The following CDK14 variants were observed in gnomAD, a reference collection of about 807,000 sequenced individuals.
CDK14 encodes cyclin-dependent kinase 14.
Under a neutral mutation model 60.7 loss-of-function variants are expected in CDK14, and 34 were observed. The ratio of observed to expected loss-of-function variants is 0.56; its 90% CI spans 0.43 to 0.75. The LOEUF (loss-of-function observed/expected upper bound fraction) is 0.75. CDK14 is among the 30% of genes least tolerant of loss of function. CDK14 has a pLI of 0.00. For missense variants in CDK14, 482 were observed against 564.1 expected, an observed-to-expected ratio of 0.85 and a Z score of 1.47; for synonymous variants, 197 against 203.7, an observed-to-expected ratio of 0.97 and a Z score of 0.28.
chr7:90,654,659 T>C (rs1394686851), intron 2 of CDK14, among the ~76,000 whole-genome samples: 7 of 152,142 alleles, frequency 4.6e-5, no homozygotes, highest in African/African-American at 1.7e-4. Flanking sequence ...AAAAAATTAA[T>C]AGGCTTTTTT....
chr7:90,757,211 T>A (rs998777425), intron 4 of CDK14, among the ~76,000 whole-genome samples: 1 of 39,186 alleles, frequency 2.6e-5, no homozygotes, highest in Admixed American at 2.4e-4. Flanking sequence ...ATTCTTCCAG[T>A]GTGTGTGTGT....
intron 6 of CDK14, among the ~76,000 whole-genome samples, chr7:90,886,112 A>G (rs1417051839): frequency 1.3e-5 from 2 of 152,198 alleles, no homozygotes; most frequent in African/African-American, 4.8e-5. Context: ...AACAGATTTT[A>G]TTAAGCTTTT....
intron 7 of CDK14, among the ~76,000 whole-genome samples, chr7:90,901,107 C>T (rs887151098): frequency 3.9e-5 from 6 of 152,142 alleles, no homozygotes; most frequent in Non-Finnish European, 8.8e-5. Flanking sequence ...AACTGTCTCA[C>T]CAGCTCTTAT....
intron 2 of CDK14, among the ~76,000 whole-genome samples, chr7:90,669,665 A>T (rs1290323403): frequency 1.3e-5 from 2 of 152,204 alleles, no homozygotes; most frequent in African/African-American, 4.8e-5. Flanking sequence ...TGAAGCTTAG[A>T]CTATTTCTGG....
At chr7:90,770,930 C>T (rs970853274) in intron 4 of CDK14, among the ~76,000 whole-genome samples, 10 of 152,184 alleles carry the variant, frequency 6.6e-5, no homozygotes, top group South Asian at 2.1e-4. Flanking sequence ...TCCTTGACAG[C>T]GCTGCACAGA....
chr7:91,052,552 T>G (rs1797422139), intron 11 of CDK14, among the ~76,000 whole-genome samples: 1 of 152,154 alleles, frequency 6.6e-6, no homozygotes, highest in Non-Finnish European at 1.5e-5. Context: ...ATTCCATGTA[T>G]GATACTTTCA....
intron 14 of CDK14, among the ~76,000 whole-genome samples, chr7:91,185,068 A>G (rs996919118): frequency 4.7e-5 from 7 of 149,832 alleles, no homozygotes; most frequent in African/African-American, 1.7e-4. Context: ...TTCTGGCAAC[A>G]AGTGTTTGTT....
At chr7:90,759,844 A>G (rs1804245944) in intron 4 of CDK14, among the ~76,000 whole-genome samples, 1 of 152,198 alleles carries the variant, frequency 6.6e-6, no homozygotes, top group Admixed American at 6.5e-5. Flanking sequence ...AAGTTGTCCC[A>G]CAGATGATCC....
intron 12 of CDK14, among the ~76,000 whole-genome samples, chr7:91,099,067 T>A (rs916822153): frequency 6.6e-6 from 1 of 152,178 alleles, no homozygotes; most frequent in African/African-American, 2.4e-5. Flanking sequence ...CTATTTTTAG[T>A]GCTACTTATA....
At chr7:90,665,784 C>T (rs1800965966) in intron 2 of CDK14, among the ~76,000 whole-genome samples, 1 of 152,110 alleles carries the variant, frequency 6.6e-6, no homozygotes. Flanking sequence ...TAGTAGTATT[C>T]CATAAGTGAA....
intron 14 of CDK14, among the ~76,000 whole-genome samples, chr7:91,147,163 C>CTCTG (rs1800676561): frequency 2.8e-5 from 2 of 70,558 alleles, no homozygotes; most frequent in Non-Finnish European, 5.3e-5. Context: ...CTCTCTCTCT[C>CTCTG]ACACACACAC....
At chr7:90,847,345 TAGA>T (rs1340873388) in intron 5 of CDK14, among the ~76,000 whole-genome samples, 4 of 152,174 alleles carry the variant, frequency 2.6e-5, no homozygotes, top group African/African-American at 9.7e-5. Flanking sequence ...GTACCTGCCT[TAGA>T]AGAGAGTAGA....
At chr7:91,118,315 CTT>C (rs1227738121) in intron 14 of CDK14, 107 bp downstream of exon 14, 3 of 580,836 alleles carry the variant, frequency 5.2e-6, no homozygotes, top group Non-Finnish European at 9.2e-6. Flanking sequence ...CTATGAGTCT[CTT>C]GTGTGCATTA....
At position 90,747,692 on chromosome 7, in the gene CDK14, C is replaced by A; in HGVS notation, c.381C>A (p.Pro127=). ...RHSSPSSPTS[P]KFGKADSYEK... ...TGCTTCATTTTTAGCCAACAAGTCC[C>A]AAATTTGGAAAAGCTGACTCATATG... Residue 127 remains proline (P), a synonymous_variant, in exon 4 of 15, where the codon CCC becomes CCA. Transcript: ENST00000380050. 1.3e-6 allele frequency: 2 copies of A among 1,594,950 alleles called. No homozygotes were observed. Among genetic ancestry groups the A allele is most frequent in the Non-Finnish European group, 1.7e-6 (2 of 1,172,328 alleles).
At chr7:91,062,643 C>G (rs1206231557) in intron 11 of CDK14, among the ~76,000 whole-genome samples, 1 of 152,118 alleles carries the variant, frequency 6.6e-6, no homozygotes, top group Non-Finnish European at 1.5e-5. Context: ...TAGCTCTTTC[C>G]TGTGTATCAA....
chr7:91,148,063 A>T (rs1268433294), intron 14 of CDK14, among the ~76,000 whole-genome samples: 1 of 152,166 alleles, frequency 6.6e-6, no homozygotes, highest in East Asian at 1.9e-4. Context: ...ATAGTCTGAA[A>T]TAAAAATGGA....
chr7:91,021,883 A>G (rs1796442039), intron 10 of CDK14, among the ~76,000 whole-genome samples: 1 of 152,224 alleles, frequency 6.6e-6, no homozygotes, highest in Non-Finnish European at 1.5e-5. Context: ...CAGTTTGAAT[A>G]TAGGTGCCAG....
intron 7 of CDK14, among the ~76,000 whole-genome samples, chr7:90,904,772 G>A (rs549503664): frequency 6.6e-6 from 1 of 152,134 alleles, no homozygotes; most frequent in Non-Finnish European, 1.5e-5. Context: ...GTTCATTATT[G>A]CAAAATTTCA....
chr7:91,145,954 A>ATTTTTTTT (rs869115595), intron 14 of CDK14, among the ~76,000 whole-genome samples: 3 of 127,724 alleles, frequency 2.3e-5, no homozygotes, highest in African/African-American at 8.3e-5. Context: ...TTATTTATTT[A>ATTTTTTTT]TTTTTTATGT....
Sources: gnomAD v4.1 joint callset for allele counts (sites outside exome capture counted in the v4.1 genomes callset) on GRCh38, gnomAD v4.1.1 for gene constraint, MANE v1.5 for transcripts, NCBI Gene and HGNC (gene_info 2026-07-23, HGNC 2026-07-21) for gene names.